The following NRG3 variants were observed in gnomAD, a reference collection of about 807,000 sequenced individuals.
NRG3 encodes pro-neuregulin-3, membrane-bound isoform.
A neutral mutation model predicts 66.9 loss-of-function variants in NRG3; 31 were observed. The ratio of observed to expected loss-of-function variants is 0.46; its 90% CI spans 0.35 to 0.63. NRG3 has a LOEUF of 0.63. Among genes scored for constraint, NRG3 ranks in the 20% least tolerant of loss-of-function variants. The pLI is 0.00. For missense variants in NRG3, 910 were observed against 878.9 expected (o/e 1.04, Z -0.45); for synonymous variants, 393 against 359.4 (o/e 1.09, Z -1.06).
chr10:82,862,830 A>G (rs540259733), intron 3 of NRG3, among the ~76,000 whole-genome samples: 24 of 152,236 alleles, frequency 1.6e-4, no homozygotes, highest in African/African-American at 5.1e-4. Context: ...TACAAACTCC[A>G]TTCTTCTTTA....
chr10:82,739,705 C>A (rs116962456), intron 3 of NRG3, among the ~76,000 whole-genome samples: 1 of 152,124 alleles, frequency 6.6e-6, no homozygotes, highest in African/African-American at 2.4e-5. Flanking sequence ...TTTATCTTGA[C>A]GAAGCAATTC....
intron 1 of NRG3, among the ~76,000 whole-genome samples, chr10:82,184,685 A>G (rs1476907934): frequency 6.6e-6 from 1 of 152,152 alleles, no homozygotes; most frequent in African/African-American, 2.4e-5. Context: ...TCTTGCCCAA[A>G]CGAAGAATGT....
intron 3 of NRG3, among the ~76,000 whole-genome samples, chr10:82,742,382 C>T (rs1246443410): frequency 1.3e-5 from 2 of 152,066 alleles, no homozygotes; most frequent in Non-Finnish European, 2.9e-5. Flanking sequence ...AAAACTCATC[C>T]CCTCTGCTCT....
chr10:82,362,834 G>A (rs745587441), intron 2 of NRG3, among the ~76,000 whole-genome samples: 6 of 151,930 alleles, frequency 3.9e-5, no homozygotes, highest in Non-Finnish European at 8.8e-5. Context: ...TTGACTATCA[G>A]GTAAATAGAA....
chr10:82,565,884 G>A (rs895856660), intron 2 of NRG3, among the ~76,000 whole-genome samples: 1 of 151,972 alleles, frequency 6.6e-6, no homozygotes, highest in Non-Finnish European at 1.5e-5. Flanking sequence ...AACAAAACAC[G>A]CAGGCTTCTA....
chr10:82,804,167 A>T (rs916727748), intron 3 of NRG3, among the ~76,000 whole-genome samples: 1 of 152,146 alleles, frequency 6.6e-6, no homozygotes, highest in Non-Finnish European at 1.5e-5. Flanking sequence ...GTCAATTTGC[A>T]CCCGCCAAAG....
chr10:82,460,497 C>A (rs2091462301), intron 2 of NRG3, among the ~76,000 whole-genome samples: 1 of 152,162 alleles, frequency 6.6e-6, no homozygotes, highest in Non-Finnish European at 1.5e-5. Flanking sequence ...CCCTTTACCT[C>A]AAGAGTGCTA....
Position 82,561,415 on chromosome 10 carries a change from G to A in NRG3, c.954-177162G>A, listed in dbSNP as rs575474173. ...GCCTGTAATCCCAGCTCTCTGGGAG[G>A]CTGAGGTGGACGGATCCCCTGAGCT... On this transcript the variant is annotated intron_variant, in intron 2 of 8. Transcript: ENST00000372141. Among the ~76,000 whole-genome samples the A allele has an allele frequency of 2.0e-5, 3 of 152,320 alleles. No homozygotes were observed. In the East Asian group the frequency reaches 5.8e-4, roughly 29 times the overall value.
rs78798450 is a variant in NRG3, at chr10:82,798,451, A to G, written c.1027+59801A>G. 6.9e-3 allele frequency among the ~76,000 whole-genome samples: 1,047 copies of G among 152,242 alleles called. 13 individuals are homozygous for G. Among genetic ancestry groups the G allele is most frequent in the African/African-American group, 0.024 (1,009 of 41,564 alleles). ...GAGAGATAAATAGATGAGCCCTGTC[A>G]TCTGCTCTATAGTTGTGAGATAGCA... On this transcript the variant is annotated intron_variant, in intron 3 of 8. Coordinates refer to ENST00000372141, the MANE Select transcript of NRG3 (RefSeq NM_001010848.4).
At chr10:82,010,796 C>T (rs529171334) in intron 1 of NRG3, among the ~76,000 whole-genome samples, 1 of 152,254 alleles carries the variant, frequency 6.6e-6, no homozygotes, top group East Asian at 1.9e-4. Context: ...AGGAAGTATT[C>T]TGGAAGCAGC....
At chr10:81,892,853 T>C (rs536035047) in intron 1 of NRG3, among the ~76,000 whole-genome samples, 36 of 152,344 alleles carry the variant, frequency 2.4e-4, no homozygotes, top group Non-Finnish European at 4.7e-4. Context: ...GGATAAATGC[T>C]TGAGGTGATG....
At chr10:82,559,083 T>C (rs931179287) in intron 2 of NRG3, among the ~76,000 whole-genome samples, 5 of 152,166 alleles carry the variant, frequency 3.3e-5, no homozygotes, top group African/African-American at 1.2e-4. Flanking sequence ...ATGCATAAAA[T>C]TTCATAAAAT....
At chr10:82,039,762 A>G (rs1047616354) in intron 1 of NRG3, among the ~76,000 whole-genome samples, 8 of 152,182 alleles carry the variant, frequency 5.3e-5, no homozygotes, top group Non-Finnish European at 1.0e-4. Context: ...GAAGACTGGA[A>G]AATAAGTTTA....
At chr10:81,996,216 G>T (rs1230248118) in intron 1 of NRG3, among the ~76,000 whole-genome samples, 5 of 152,172 alleles carry the variant, frequency 3.3e-5, no homozygotes, top group Non-Finnish European at 7.4e-5. Context: ...TCTGTCTATT[G>T]TTTAAAGGCA....
At chr10:82,906,185 C>G (rs1844721196) in intron 4 of NRG3, among the ~76,000 whole-genome samples, 1 of 152,142 alleles carries the variant, frequency 6.6e-6, no homozygotes, top group Admixed American at 6.5e-5. Flanking sequence ...CTCAAGTAGT[C>G]TCCTCAGCTC....
chr10:82,025,200 G>C (rs1412857663), intron 1 of NRG3, among the ~76,000 whole-genome samples: 1 of 150,776 alleles, frequency 6.6e-6, no homozygotes, highest in African/African-American at 2.4e-5. Context: ...GGTAAAAAAT[G>C]TGGAATACTT....
chr10:82,928,418 C>T (rs969200349), intron 4 of NRG3, among the ~76,000 whole-genome samples: 2 of 152,108 alleles, frequency 1.3e-5, no homozygotes, highest in Non-Finnish European at 2.9e-5. Context: ...TTGCCCATGC[C>T]TATGTCCTGG....
chr10:82,153,544 A>G (rs1430056675), intron 1 of NRG3, among the ~76,000 whole-genome samples: 1 of 151,364 alleles, frequency 6.6e-6, no homozygotes, highest in Non-Finnish European at 1.5e-5. Context: ...TATCTCTTTG[A>G]CTTACTTATT....
intron 2 of NRG3, among the ~76,000 whole-genome samples, chr10:82,519,953 G>A (rs917719323): frequency 6.6e-6 from 1 of 152,078 alleles, no homozygotes; most frequent in Admixed American, 6.5e-5. Flanking sequence ...GAGACTTGTA[G>A]GGAGGCAACA....
Sources: allele counts gnomAD v4.1 joint callset (sites outside exome capture counted in the v4.1 genomes callset), GRCh38; gene constraint gnomAD v4.1.1; transcripts MANE v1.5; gene names NCBI Gene and HGNC (gene_info 2026-07-23, HGNC 2026-07-21).